Variants in FAM47E observed in about 807,000 individuals in gnomAD.
The protein encoded by FAM47E is family with sequence similarity 47 member E.
In FAM47E, 32 loss-of-function variants were observed where a neutral mutation model predicts 41.6. The observed-to-expected ratio is 0.77, with a 90% CI of 0.58 to 1.03. The LOEUF is 1.03. Ranked by LOEUF, FAM47E falls within the 50% of genes least tolerant of loss-of-function variation. FAM47E has a pLI of 0.00. For synonymous variants in FAM47E, 184 were observed against 188.7 expected, an observed-to-expected ratio of 0.98 and a Z score of 0.20; for missense variants, 424 against 485.4, an observed-to-expected ratio of 0.87 and a Z score of 1.19.
intron 2 of FAM47E, among the ~76,000 whole-genome samples, chr4:76,244,403 G>C (rs1275187138): frequency 1.3e-5 from 2 of 151,968 alleles, no homozygotes; most frequent in Non-Finnish European, 2.9e-5. Context: ...TCCAGCATCT[G>C]TTGTTTCCTG....
intron 2 of FAM47E, among the ~76,000 whole-genome samples, chr4:76,234,759 A>T (rs1482981468): frequency 6.6e-6 from 1 of 152,132 alleles, no homozygotes; most frequent in African/African-American, 2.4e-5. Context: ...GAAGGAAAAA[A>T]AATGTTAGCC....
At chr4:76,282,779 T>C (rs1425268599) in intron 7 of FAM47E, 1 of 152,124 alleles carries the variant, frequency 6.6e-6, no homozygotes, top group Non-Finnish European at 1.5e-5. Flanking sequence ...TATTCTTACA[T>C]CCTATATTCT....
At position 76,222,933 on chromosome 4, in the gene FAM47E, C is replaced by T. The variant is rs2109980901; in HGVS notation, c.81+5245C>T. Reference sequence around the variant, plus strand: ...AGAAGAAAGGCAGGGGGGGAAGAGGCCCAGGTGAAGCCTCGTGCATGGGAA... The same window carrying T: ...AGAAGAAAGGCAGGGGGGGAAGAGGTCCAGGTGAAGCCTCGTGCATGGGAA... On this transcript the variant is annotated intron_variant, in intron 2 of 7. Coordinates refer to the FAM47E transcript ENST00000510197. Among the ~76,000 whole-genome samples, 3 of 152,232 alleles carry T rather than the reference C, an allele frequency of 2.0e-5. No individual in the cohort carries two copies. In the South Asian group the frequency reaches 6.2e-4, roughly 32 times the overall value.
rs188645506 is a variant in FAM47E at position 76,231,479 on chromosome 4, A to G, written c.81+13791A>G. On this transcript the variant is annotated intron_variant, in intron 2 of 7. Transcript: ENST00000510197. ...TTTAGAATTTAATGACAAATATATG[A>G]TAGGTTTTGAAACACGATTTCTCAC... 6.7e-3 allele frequency among the ~76,000 whole-genome samples: 1,028 copies of G among 152,316 alleles called. 4 individuals carry two copies. The highest frequency in any genetic ancestry group is 0.011 in the Non-Finnish European group (781 of 68,022).
intron 1 of FAM47E, among the ~76,000 whole-genome samples, chr4:76,214,596 G>A (rs1299373822): frequency 6.6e-6 from 1 of 152,140 alleles, no homozygotes; most frequent in African/African-American, 2.4e-5. Flanking sequence ...AGTTGGGAAG[G>A]AGCTTAAAGC....
intron 2 of FAM47E, among the ~76,000 whole-genome samples, chr4:76,261,275 A>G (rs1016270129): frequency 1.3e-5 from 2 of 152,214 alleles, no homozygotes; most frequent in African/African-American, 4.8e-5. Context: ...AGATTTCTCA[A>G]AGAACTAAAA....
chr4:76,240,214 A>C (rs779848688), intron 2 of FAM47E, among the ~76,000 whole-genome samples: 44 of 152,330 alleles, frequency 2.9e-4, no homozygotes, highest in Non-Finnish European at 8.8e-5. Flanking sequence ...TTAGCACTTT[A>C]TATCAGCCTA....
intron 1 of FAM47E, chr4:76,217,491 GAA>G: frequency 2.4e-6 from 1 of 409,224 alleles, no homozygotes; most frequent in Non-Finnish European, 4.3e-6. Flanking sequence ...GCGGGTTGTT[GAA>G]AAGAGCTGGC....
At chr4:76,268,408 T>C (rs151262269) in intron 3 of FAM47E, 1 of 358,548 alleles carries the variant, frequency 2.8e-6, no homozygotes, top group South Asian at 4.5e-5. Context: ...ACTCAAAATT[T>C]AAAAAAATCA....
chr4:76,254,814 T>C (rs1734120500), intron 1 of FAM47E, among the ~76,000 whole-genome samples: 1 of 152,190 alleles, frequency 6.6e-6, no homozygotes. Context: ...AGATTCCAAG[T>C]CGTGGCTTTG....
chr4:76,272,356 C>T (rs1265423426), intron 5 of FAM47E, among the ~76,000 whole-genome samples: 1 of 152,224 alleles, frequency 6.6e-6, no homozygotes, highest in African/African-American at 2.4e-5. Flanking sequence ...TATATATACA[C>T]AAGTCAAGTT....
At chr4:76,245,180 G>A (rs748350294) in intron 2 of FAM47E, among the ~76,000 whole-genome samples, 3 of 151,706 alleles carry the variant, frequency 2.0e-5, no homozygotes, top group Non-Finnish European at 4.4e-5. Context: ...ACTTAGCAGT[G>A]GAAATACTGA....
At chr4:76,268,848 A>G in intron 4 of FAM47E, 80 bp downstream of exon 4, 1 of 1,509,232 alleles carries the variant, frequency 6.6e-7, no homozygotes, top group Non-Finnish European at 8.9e-7. Flanking sequence ...CTACTTTTAA[A>G]TGTCAAGCTC....
chr4:76,225,461 G>A (rs1265853051), intron 2 of FAM47E, among the ~76,000 whole-genome samples: 1 of 152,174 alleles, frequency 6.6e-6, no homozygotes, highest in East Asian at 1.9e-4. Context: ...TCCTTGTCTT[G>A]TTCCAGTTCT....
intron 3 of FAM47E, chr4:76,268,344 G>C: frequency 4.6e-6 from 1 of 218,670 alleles, no homozygotes; most frequent in Non-Finnish European, 8.9e-6. Flanking sequence ...GGCTTTGGTA[G>C]ACTTCAAGCA....
rs1017336480 is a variant in FAM47E, at chr4:76,265,869, G to A, written c.560+2026G>A. Among the ~76,000 whole-genome samples the A allele has an allele frequency of 6.6e-5, 10 of 152,202 alleles. 1 individual carries two copies. The highest frequency in any genetic ancestry group is 1.9e-4 in the African/African-American group (8 of 41,466). On this transcript the variant is annotated intron_variant, in intron 3 of 7. Transcript: ENST00000424749. ...ATCCAGGTGCTGGCAGGATGCAAGC[G>A]ACACCAACTTCCACTCACCAGATAA... is the stretch of plus-strand genomic sequence containing the variant.
exon 1 of FAM47E, chr4:76,214,374 T>C: frequency 2.3e-6 from 1 of 443,158 alleles, no homozygotes; most frequent in African/African-American, 2.0e-5. Flanking sequence ...TGTGCAAGAA[T>C]GGAAGATGTG....
chr4:76,283,245 CAT>C (rs74988469), intron 7 of FAM47E, 134 bp from the exon 8 acceptor site: 98,427 of 544,314 alleles, frequency 0.18, 10,027 homozygotes, highest in Middle Eastern at 0.25. Flanking sequence ...AGATTATTAA[CAT>C]GTGATTTTGC....
chr4:76,252,890 T>G (rs1011585069), intron 1 of FAM47E, among the ~76,000 whole-genome samples: 1 of 152,188 alleles, frequency 6.6e-6, no homozygotes, highest in Non-Finnish European at 1.5e-5. Context: ...CTAATTGAAC[T>G]AGAGACCTTA....
Sources: allele counts gnomAD v4.1 joint callset (sites outside exome capture counted in the v4.1 genomes callset), GRCh38; gene constraint gnomAD v4.1.1; transcripts MANE v1.5; gene names NCBI Gene and HGNC (gene_info 2026-07-23, HGNC 2026-07-21).